GALNT13: variants seen among roughly 807,000 people sequenced by gnomAD.
The protein encoded by GALNT13 is UDP-GalNAc:polypeptide N-acetylgalactosaminyltransferase 13.
In GALNT13, 28 loss-of-function variants were observed where a neutral mutation model predicts 64.2. The ratio of observed to expected loss-of-function variants is 0.44; its 90% confidence interval spans 0.32 to 0.60. The LOEUF is 0.60. Ranked by LOEUF, GALNT13 falls within the 20% of genes least tolerant of loss-of-function variation. GALNT13 has a pLI of 0.05. For missense variants in GALNT13, 577 were observed against 669.8 expected, an observed-to-expected ratio of 0.86 and a Z score of 1.53; for synonymous variants, 214 against 224.6, an observed-to-expected ratio of 0.95 and a Z score of 0.42.
intron 10 of GALNT13, among the ~76,000 whole-genome samples, chr2:154,403,372 C>T (rs1310628950): frequency 1.3e-5 from 2 of 151,936 alleles, no homozygotes; most frequent in Non-Finnish European, 2.9e-5. Flanking sequence ...ATGAAAATCA[C>T]TTGAACCTGG....
intron 3 of GALNT13, among the ~76,000 whole-genome samples, chr2:154,076,964 G>T (rs1701020772): frequency 6.6e-6 from 1 of 151,540 alleles, no homozygotes; most frequent in Admixed American, 6.6e-5. Flanking sequence ...TCCTAAGGTG[G>T]TCTCTAAAAT....
intron 4 of GALNT13, among the ~76,000 whole-genome samples, chr2:154,151,039 T>A (rs1683980092): frequency 6.6e-6 from 1 of 152,210 alleles, no homozygotes; most frequent in South Asian, 2.1e-4. Flanking sequence ...CAATTTTGGA[T>A]CTTTCCTGCT....
At chr2:153,777,405 C>T in the GALNT13 span, among the ~76,000 whole-genome samples, 1 of 152,064 alleles carries the variant, frequency 6.6e-6, no homozygotes, top group Non-Finnish European at 1.5e-5. Context: ...TGTTTGTGGT[C>T]CTCAAAAAGT....
intron 7 of GALNT13, among the ~76,000 whole-genome samples, chr2:154,252,800 G>C (rs1690157886): frequency 6.6e-6 from 1 of 152,028 alleles, no homozygotes; most frequent in African/African-American, 2.4e-5. Flanking sequence ...GGAAAGGAGA[G>C]GAGAGAAGAG....
At chr2:154,194,988 G>C (rs1016754853) in intron 4 of GALNT13, among the ~76,000 whole-genome samples, 36 of 151,258 alleles carry the variant, frequency 2.4e-4, no homozygotes, top group Middle Eastern at 6.9e-3. Context: ...TAAGCCCCAC[G>C]TGCATTAGGT....
the GALNT13 span, among the ~76,000 whole-genome samples, chr2:153,585,553 A>G: frequency 1.3e-5 from 2 of 152,232 alleles, no homozygotes; most frequent in African/African-American, 4.8e-5. Flanking sequence ...GAAAAGATGT[A>G]GACATCTACA....
chr2:153,230,096 G>A, the GALNT13 span, among the ~76,000 whole-genome samples: 7 of 152,274 alleles, frequency 4.6e-5, no homozygotes, highest in South Asian at 4.1e-4. Context: ...GTCTCTGAGC[G>A]TGTGCTGGGT....
At chr2:154,189,930 A>G (rs1317619189) in intron 4 of GALNT13, among the ~76,000 whole-genome samples, 2 of 152,246 alleles carry the variant, frequency 1.3e-5, no homozygotes, top group African/African-American at 4.8e-5. Flanking sequence ...TTCTATTGTT[A>G]GCTTTAATAT....
the GALNT13 span, among the ~76,000 whole-genome samples, chr2:153,327,050 C>T: frequency 1.3e-5 from 2 of 151,926 alleles, no homozygotes; most frequent in South Asian, 2.1e-4. Flanking sequence ...GGCCACTGCA[C>T]TCCAGCCTGG....
the GALNT13 span, among the ~76,000 whole-genome samples, chr2:153,418,044 A>G: frequency 6.6e-6 from 1 of 152,200 alleles, no homozygotes; most frequent in South Asian, 2.1e-4. Context: ...AAAGATGCTC[A>G]CATCCCAGCC....
intron 4 of GALNT13, among the ~76,000 whole-genome samples, chr2:154,147,152 T>C (rs1472722774): frequency 2.0e-5 from 3 of 151,940 alleles, no homozygotes; most frequent in Non-Finnish European, 4.4e-5. Flanking sequence ...TGAAACTCTA[T>C]AGCCGTTAAA....
the GALNT13 span, among the ~76,000 whole-genome samples, chr2:153,517,851 T>C: frequency 2.0e-5 from 3 of 152,092 alleles, no homozygotes; most frequent in Non-Finnish European, 4.4e-5. Flanking sequence ...CCTAGGATGC[T>C]CATCAACTAC....
chr2:153,949,625 A>G (rs1220385506), intron 3 of GALNT13, among the ~76,000 whole-genome samples: 1 of 152,140 alleles, frequency 6.6e-6, no homozygotes, highest in Non-Finnish European at 1.5e-5. Context: ...TAATAGAATG[A>G]TAAAGATTCC....
At chr2:153,364,242 A>G in the GALNT13 span, among the ~76,000 whole-genome samples, 1 of 152,156 alleles carries the variant, frequency 6.6e-6, no homozygotes, top group Admixed American at 6.5e-5. Context: ...ATATCTCAAA[A>G]TAATAGGAGC....
At chr2:154,255,478 G>T (rs1283079392) in intron 7 of GALNT13, among the ~76,000 whole-genome samples, 1 of 152,086 alleles carries the variant, frequency 6.6e-6, no homozygotes, top group Non-Finnish European at 1.5e-5. Flanking sequence ...GAACAATCTA[G>T]AAATCCAAGG....
At chr2:153,777,899 C>T in the GALNT13 span, among the ~76,000 whole-genome samples, 1,030 of 152,218 alleles carry the variant, frequency 6.8e-3, 8 homozygotes, top group South Asian at 0.016. Flanking sequence ...TTTTGTATCC[C>T]GGGTTCTTGC....
the GALNT13 span, among the ~76,000 whole-genome samples, chr2:153,725,878 A>G: frequency 6.6e-6 from 1 of 151,592 alleles, no homozygotes; most frequent in Non-Finnish European, 1.5e-5. Context: ...TCTTTACACT[A>G]TCTTTTGTGT....
chr2:153,148,279 G>GAGAGAAAGCATCCATCTTGAGTT, the GALNT13 span, among the ~76,000 whole-genome samples: 5 of 151,970 alleles, frequency 3.3e-5, no homozygotes, highest in Middle Eastern at 3.4e-3. Flanking sequence ...CAAAGCACCT[G>GAGAGAAAGCATCCATCTTGAGTT]AGAGAAAGCA....
chr2:153,794,073 A>C, the GALNT13 span, among the ~76,000 whole-genome samples: 1 of 152,320 alleles, frequency 6.6e-6, no homozygotes, highest in African/African-American at 2.4e-5. Flanking sequence ...TAAATATCAA[A>C]GAGTTTAGTT....
Sources: gnomAD v4.1 joint callset for allele counts (sites outside exome capture counted in the v4.1 genomes callset) on GRCh38, gnomAD v4.1.1 for gene constraint, MANE v1.5 for transcripts, NCBI Gene and HGNC (gene_info 2026-07-23, HGNC 2026-07-21) for gene names.